Variants in XYLT1 observed in about 807,000 individuals in gnomAD.
XYLT1 encodes the protein xylosyltransferase 1.
In XYLT1, 36 loss-of-function variants were observed where a neutral mutation model predicts 91.3. The observed-to-expected ratio is 0.39, with a 90% CI of 0.30 to 0.52. The LOEUF (loss-of-function observed/expected upper bound fraction) is 0.52. Ranked by LOEUF, XYLT1 falls within the 20% of genes least tolerant of loss-of-function variation. The pLI, the probability that XYLT1 is intolerant of heterozygous loss-of-function variation, is 0.68. For missense variants in XYLT1, 1,242 were observed against 1,284.5 expected (o/e 0.97, Z 0.51); for synonymous variants, 588 against 532.0 (o/e 1.11, Z -1.45).
At chr16:17,236,058 G>A (rs1485911118) in intron 3 of XYLT1, among the ~76,000 whole-genome samples, 2 of 152,174 alleles carry the variant, frequency 1.3e-5, no homozygotes, top group Non-Finnish European at 2.9e-5. Context: ...GTAGAGACGG[G>A]GTTTCACCAT....
rs186726318 is a variant in XYLT1 at position 17,448,429 on chromosome 16, A to G, written c.363+22005T>C. ...CGACACAGTAAAAAATGTGCATCTT[A>G]AAATGAAGCATATTATCATTATTAT... is the stretch of plus-strand genomic sequence containing the variant. On this transcript the variant is annotated intron_variant, in intron 1 of 11. Coordinates refer to ENST00000261381, the MANE Select transcript of XYLT1 (RefSeq NM_022166.4). Among the ~76,000 whole-genome samples the G allele has an allele frequency of 3.3e-5, 5 of 152,336 alleles. No individual in the cohort carries two copies. The East Asian group carries it at 9.6e-4, about 29-fold the overall frequency.
intron 6 of XYLT1, among the ~76,000 whole-genome samples, chr16:17,142,368 C>T (rs373390028): frequency 8.6e-5 from 13 of 150,740 alleles, no homozygotes; most frequent in African/African-American, 2.2e-4. Context: ...TATGGTACTA[C>T]GTGTGTTTCT....
At chr16:17,458,936 G>A (rs1036120346) in intron 1 of XYLT1, among the ~76,000 whole-genome samples, 1 of 151,978 alleles carries the variant, frequency 6.6e-6, no homozygotes, top group African/African-American at 2.4e-5. Context: ...AGTGCATCTG[G>A]GATGTTGTCA....
chr16:17,125,891 G>T (rs1328775378), intron 10 of XYLT1, among the ~76,000 whole-genome samples: 1 of 152,102 alleles, frequency 6.6e-6, no homozygotes, highest in Non-Finnish European at 1.5e-5. Flanking sequence ...CAGAAAGAAT[G>T]AGCATCTTTT....
rs1009245617 is a variant in XYLT1 at position 17,266,354 on chromosome 16, T to C, written c.403-6856A>G. The stretch of plus-strand genomic sequence containing the variant: ...TAGTGCCTGACACGTCCAAAGTGCT[T>C]AAGAAACACGTATGTCTTAGGTTCC... On this transcript the variant is annotated intron_variant, in intron 2 of 11. Transcript: ENST00000261381. 2.0e-5 allele frequency among the ~76,000 whole-genome samples: 3 copies of C among 152,184 alleles called. No homozygotes were observed. The South Asian group carries it at 6.2e-4, about 32-fold the overall frequency.
intron 3 of XYLT1, among the ~76,000 whole-genome samples, chr16:17,202,325 G>C (rs1421906958): frequency 1.3e-5 from 2 of 152,204 alleles, no homozygotes; most frequent in African/African-American, 4.8e-5. Context: ...AGGCTGAATG[G>C]TTGCTGAATG....
Position 17,468,566 on chromosome 16 carries a change from G to C in XYLT1, c.363+1868C>G, listed in dbSNP as rs146530213. Among the ~76,000 whole-genome samples, 564 of 152,328 alleles carry C rather than the reference G, an allele frequency of 3.7e-3. 3 individuals carry two copies. Among genetic ancestry groups the C allele is most frequent in the Non-Finnish European group, 6.6e-3 (451 of 68,028 alleles). On this transcript the variant is annotated intron_variant, in intron 1 of 11. Coordinates refer to ENST00000261381, the MANE Select transcript of XYLT1 (RefSeq NM_022166.4). ...GTTCCCACCTACCTCCCCAACCGCAGATCTCTCAGAGGCTGAGCTGGGTGT... is the reference window on the plus strand; with the variant it reads ...GTTCCCACCTACCTCCCCAACCGCACATCTCTCAGAGGCTGAGCTGGGTGT...
intron 3 of XYLT1, 34 bp downstream of exon 3, chr16:17,258,954 G>C (rs375536461): frequency 1.1e-5 from 17 of 1,482,450 alleles, no homozygotes; most frequent in Non-Finnish European, 1.4e-5. Flanking sequence ...GTGGCCAGGA[G>C]ATCCCTCTCT....
chr16:17,111,263 G>A (rs568912721), intron 11 of XYLT1, among the ~76,000 whole-genome samples: 2 of 152,312 alleles, frequency 1.3e-5, no homozygotes, highest in South Asian at 4.1e-4. Flanking sequence ...GCACGATGAG[G>A]AATCAGGAAG....
intron 1 of XYLT1, among the ~76,000 whole-genome samples, chr16:17,460,996 T>C (rs1457792846): frequency 2.6e-5 from 4 of 152,124 alleles, no homozygotes; most frequent in Non-Finnish European, 4.4e-5. Context: ...GCCCCTGTGC[T>C]TCAGACAAGG....
At chr16:17,462,019 G>A (rs2036830392) in intron 1 of XYLT1, among the ~76,000 whole-genome samples, 1 of 152,172 alleles carries the variant, frequency 6.6e-6, no homozygotes, top group African/African-American at 2.4e-5. Context: ...TGCCTCCTGG[G>A]TAGGGAACAT....
At chr16:17,209,185 G>C (rs2032713463) in intron 3 of XYLT1, among the ~76,000 whole-genome samples, 1 of 152,112 alleles carries the variant, frequency 6.6e-6, no homozygotes, top group African/African-American at 2.4e-5. Flanking sequence ...TTCAGCTCCT[G>C]GAAAGCTTCA....
rs34653270 is a variant in XYLT1 at position 17,138,376 on chromosome 16, C to T, written c.1743G>A (p.Pro581=). Residue 581 remains proline (P), a synonymous_variant, in exon 8 of 12, where the codon CCG becomes CCA. Coordinates refer to ENST00000261381, the MANE Select transcript of XYLT1 (RefSeq NM_022166.4). ...WCGCSPNDFK[P]QDFHRFQQTA... ...TCACCTGGAAGCGGTGGAAGTCCTG[C>T]GGCTTGAAGTCATTGGGGGAGCAGC... 1.2e-3 allele frequency: 1,988 copies of T among 1,613,188 alleles called. 14 individuals are homozygous for T. In the African/African-American group the frequency reaches 0.02, roughly 17 times the overall value.
At chr16:17,217,795 G>T (rs557006601) in intron 3 of XYLT1, among the ~76,000 whole-genome samples, 2 of 152,262 alleles carry the variant, frequency 1.3e-5, no homozygotes, top group African/African-American at 4.8e-5. Context: ...CAGGTGATCT[G>T]ATGCAAACCA....
intron 9 of XYLT1, among the ~76,000 whole-genome samples, chr16:17,130,678 C>T (rs7204594): frequency 0.95 from 144,738 of 152,026 alleles, 68,962 homozygotes; most frequent in Middle Eastern, 0.98. Context: ...GCCAGAATCC[C>T]GGTCAAAGCC....
intron 1 of XYLT1, among the ~76,000 whole-genome samples, chr16:17,375,481 A>AACACACAC (rs71137985): frequency 0.014 from 2,000 of 147,534 alleles, 61 homozygotes; most frequent in African/African-American, 0.048. Context: ...TAACATTTAA[A>AACACACAC]ACACACACAC....
chr16:17,339,681 A>G (rs1339375935), intron 2 of XYLT1, among the ~76,000 whole-genome samples: 1 of 152,200 alleles, frequency 6.6e-6, no homozygotes, highest in African/African-American at 2.4e-5. Context: ...AGGTGACACT[A>G]TCCTGCTGTA....
intron 2 of XYLT1, among the ~76,000 whole-genome samples, chr16:17,341,192 T>C (rs1458933935): frequency 1.3e-5 from 2 of 152,048 alleles, no homozygotes; most frequent in Non-Finnish European, 2.9e-5. Flanking sequence ...TTTACAAGAA[T>C]GGCTAAAGGC....
intron 7 of XYLT1, 143 bp downstream of exon 7, chr16:17,141,010 G>T: frequency 9.8e-6 from 8 of 815,968 alleles, no homozygotes; most frequent in South Asian, 1.6e-5. Flanking sequence ...CAGGCATCCT[G>T]CTAAGACAGC....
Sources: gnomAD v4.1 joint callset for allele counts (sites outside exome capture counted in the v4.1 genomes callset) on GRCh38, gnomAD v4.1.1 for gene constraint, MANE v1.5 for transcripts, NCBI Gene and HGNC (gene_info 2026-07-23, HGNC 2026-07-21) for gene names.